BCR: variants seen among roughly 807,000 people sequenced by gnomAD.
BCR encodes the protein breakpoint cluster region protein.
Under a neutral mutation model 138.6 loss-of-function variants are expected in BCR, and 58 were observed. That is an observed-to-expected ratio of 0.42 (90% CI 0.34 to 0.52). BCR has a LOEUF of 0.52. Ranked by LOEUF, BCR falls within the 20% of genes least tolerant of loss-of-function variation. BCR has a pLI of 0.06. For synonymous variants in BCR, 786 were observed against 730.1 expected, an observed-to-expected ratio of 1.08 and a Z score of -1.23; for missense variants, 1,599 against 1,727.2, an observed-to-expected ratio of 0.93 and a Z score of 1.32.
Position 23,290,342 on chromosome 22 carries a change from A to G in BCR, c.2711A>G (p.Asp904Gly), listed in dbSNP as rs753049312. ...SIPLTINKEDDESPGLYGFLN... is the reference protein window; with the variant it reads ...SIPLTINKEDGESPGLYGFLN... ...ACCTCTTTGATCTCTTGCGCAGATG[A>G]TGAGTCTCCGGGGCTCTATGGGTTT... is the stretch of plus-strand genomic sequence containing the variant. The change falls in exon 14 of 23, where the codon GAT becomes GGT. Residue 904 changes from aspartate (D) to glycine (G), a missense_variant. Physicochemically the swap from Asp to Gly is moderately conservative, Grantham distance 94. Transcript: ENST00000305877. The G allele has an allele frequency of 3.7e-6, 6 of 1,613,888 alleles. No individual in the cohort carries two copies. The African/African-American group carries it at 5.3e-5, about 14-fold the overall frequency.
At chr22:23,262,979 T>G in intron 4 of BCR, 6 of 918,216 alleles carry the variant, frequency 6.5e-6, no homozygotes, top group Non-Finnish European at 7.3e-6. Flanking sequence ...TCAAAGGAGA[T>G]GAGGGGAGCG....
intron 8 of BCR, among the ~76,000 whole-genome samples, chr22:23,277,071 G>T (rs150760198): frequency 6.6e-6 from 1 of 152,258 alleles, no homozygotes. Flanking sequence ...GCCAGGAAAG[G>T]GGGGCAGAAG....
At chr22:23,258,020 C>T (rs1568958447) in intron 2 of BCR, among the ~76,000 whole-genome samples, 2 of 152,154 alleles carry the variant, frequency 1.3e-5, no homozygotes, top group African/African-American at 2.4e-5. Flanking sequence ...AGGCTCCCAC[C>T]CGTGGAGTCA....
chr22:23,182,301 T>G, intron 1 of BCR, 62 bp downstream of exon 1: 2 of 1,450,482 alleles, frequency 1.4e-6, no homozygotes, highest in Non-Finnish European at 1.8e-6. Context: ...CATAGACGAG[T>G]AGGGGATACA....
chr22:23,246,451 T>G (rs2073157968), intron 1 of BCR, among the ~76,000 whole-genome samples: 1 of 152,172 alleles, frequency 6.6e-6, no homozygotes, highest in Non-Finnish European at 1.5e-5. Flanking sequence ...TCTGTGAACA[T>G]TCTGGTACAA....
At chr22:23,205,360 A>G (rs1650650680) in intron 1 of BCR, among the ~76,000 whole-genome samples, 1 of 152,186 alleles carries the variant, frequency 6.6e-6, no homozygotes, top group Non-Finnish European at 1.5e-5. Flanking sequence ...CTCAAGGTGC[A>G]CTTTGACTCC....
intron 1 of BCR, among the ~76,000 whole-genome samples, chr22:23,218,659 TCAC>T (rs890449544): frequency 6.6e-5 from 10 of 152,132 alleles, no homozygotes; most frequent in Non-Finnish European, 1.3e-4. Context: ...TGATCTCTGA[TCAC>T]CACTCAAGCC....
At chr22:23,246,543 C>T (rs2073159082) in intron 1 of BCR, among the ~76,000 whole-genome samples, 1 of 152,108 alleles carries the variant, frequency 6.6e-6, no homozygotes, top group Non-Finnish European at 1.5e-5. Flanking sequence ...TTATCAATGC[C>T]ACATCTTAGA....
chr22:23,206,398 C>A (rs541288099), intron 1 of BCR, among the ~76,000 whole-genome samples: 4 of 152,110 alleles, frequency 2.6e-5, no homozygotes, highest in Non-Finnish European at 4.4e-5. Context: ...CACGGTGAAA[C>A]CATGTCTCTA....
intron 1 of BCR, among the ~76,000 whole-genome samples, chr22:23,211,841 G>C (rs1392528891): frequency 1.3e-5 from 2 of 152,108 alleles, no homozygotes; most frequent in Admixed American, 6.5e-5. Context: ...CCCTCCAGGG[G>C]TAGGGGCTGG....
intron 4 of BCR, chr22:23,262,961 A>G: frequency 9.8e-7 from 1 of 1,021,592 alleles, no homozygotes; most frequent in Non-Finnish European, 1.3e-6. Flanking sequence ...AAGGGGCGAG[A>G]GGCATCATCA....
chr22:23,198,233 G>A, intron 1 of BCR: 1 of 432,176 alleles, frequency 2.3e-6, no homozygotes, highest in Non-Finnish European at 4.6e-6. Flanking sequence ...GAGGTGGGTG[G>A]GGATTCAGGA....
rs755083808 is a variant in BCR at position 23,283,969 on chromosome 22, G to A, written c.2116-8G>A. Reference sequence around the variant, plus strand: ...TGGCCCTGACCCCAGCCTTCCCTGTGCCTGCAGCACCGGCAGCTGCTGAAG... The same window carrying A: ...TGGCCCTGACCCCAGCCTTCCCTGTACCTGCAGCACCGGCAGCTGCTGAAG... On this transcript the variant is annotated splice_polypyrimidine_tract_variant and splice_region_variant and intron_variant, in intron 8 of 22. Transcript: ENST00000305877. The A allele has an allele frequency of 3.1e-6, 5 of 1,588,620 alleles. No homozygotes were observed. The South Asian group carries it at 4.6e-5, about 15-fold the overall frequency.
At chr22:23,240,874 T>C (rs190931355) in intron 1 of BCR, among the ~76,000 whole-genome samples, 43 of 152,212 alleles carry the variant, frequency 2.8e-4, no homozygotes, top group African/African-American at 1.0e-3. Flanking sequence ...CCCTTTCTAC[T>C]TTCTGTCTCT....
intron 1 of BCR, among the ~76,000 whole-genome samples, chr22:23,210,818 A>C (rs903261944): frequency 6.6e-6 from 1 of 152,208 alleles, no homozygotes; most frequent in Non-Finnish European, 1.5e-5. Context: ...CCAATAGGGC[A>C]TTCCTTTTTA....
At position 23,180,962 on chromosome 22, in the gene BCR, TG is replaced by T. The variant is rs2072241217; in HGVS notation, c.4del (p.Val2?). On this transcript the variant is annotated frameshift_variant and start_lost, in exon 1 of 23. Transcript: ENST00000305877. LOFTEE classifies it high-confidence loss of function. [M>X]VDPVGFAEAW... is the part of the protein sequence containing the mutation. ...GGCGCAGGTAAGGCCGGCCGCGCCATGGTGGACCCGGTGGGCTTCGCGGAGG... is the reference window on the plus strand; with the variant it reads ...GGCGCAGGTAAGGCCGGCCGCGCCATGTGGACCCGGTGGGCTTCGCGGAGG... 7.4e-7 allele frequency: 1 copy of T among 1,358,406 alleles called. No homozygotes were observed. Among genetic ancestry groups the T allele is most frequent in the Non-Finnish European group, 9.6e-7 (1 of 1,036,784 alleles). 84.1% of individuals were successfully genotyped at this position (1,358,406 alleles called of 1,614,324 possible).
At chr22:23,288,334 G>A (rs2073741768) in intron 12 of BCR, among the ~76,000 whole-genome samples, 162 bp downstream of exon 12, 4 of 152,202 alleles carry the variant, frequency 2.6e-5, no homozygotes, top group South Asian at 4.1e-4. Flanking sequence ...CAGCCATCCC[G>A]ATAGGCCCCC....
intron 4 of BCR, chr22:23,263,991 C>A (rs1014427155): frequency 1.8e-5 from 16 of 890,002 alleles, no homozygotes; most frequent in Non-Finnish European, 2.9e-5. Flanking sequence ...CAGAGACTTT[C>A]CCCCAAGGGC....
At chr22:23,260,567 G>A (rs1354116940) in intron 2 of BCR, among the ~76,000 whole-genome samples, 1 of 152,208 alleles carries the variant, frequency 6.6e-6, no homozygotes, top group African/African-American at 2.4e-5. Context: ...TGGCCATGCT[G>A]TGGGCTCTGA....
Sources: allele counts gnomAD v4.1 joint callset (sites outside exome capture counted in the v4.1 genomes callset), GRCh38; gene constraint gnomAD v4.1.1; transcripts MANE v1.5; gene names NCBI Gene and HGNC (gene_info 2026-07-23, HGNC 2026-07-21).